Variants in TMEM266 observed in about 807,000 individuals in gnomAD.
TMEM266 encodes transmembrane protein 266, also known as Hv1 related protein 1.
Under a neutral mutation model 50.5 loss-of-function variants are expected in TMEM266, and 33 were observed. The ratio of observed to expected loss-of-function variants is 0.65; its 90% CI spans 0.50 to 0.87. The LOEUF (loss-of-function observed/expected upper bound fraction) is 0.87. TMEM266 is among the 40% of genes least tolerant of loss of function. The pLI is 0.00. For missense variants in TMEM266, 655 were observed against 695.1 expected, an observed-to-expected ratio of 0.94 and a Z score of 0.65; for synonymous variants, 310 against 292.3, an observed-to-expected ratio of 1.06 and a Z score of -0.62.
At chr15:76,199,678 A>C (rs531035445) in intron 9 of TMEM266, among the ~76,000 whole-genome samples, 23 of 152,300 alleles carry the variant, frequency 1.5e-4, no homozygotes, top group South Asian at 1.0e-3. Context: ...TCTATTCAAT[A>C]ATCACGGCCT....
At chr15:76,167,251 A>T (rs2038111458) in intron 5 of TMEM266, among the ~76,000 whole-genome samples, 2 of 152,034 alleles carry the variant, frequency 1.3e-5, no homozygotes, top group South Asian at 4.1e-4. Context: ...CTGGCGGATC[A>T]TGAGGTCGGT....
chr15:76,174,769 T>C (rs1029026708), intron 7 of TMEM266: 3 of 152,264 alleles, frequency 2.0e-5, no homozygotes, highest in African/African-American at 7.2e-5. Flanking sequence ...AATGGAATCA[T>C]GTGACGTGGT....
intron 1 of TMEM266, among the ~76,000 whole-genome samples, chr15:76,106,320 C>T (rs973687120): frequency 2.6e-5 from 4 of 152,200 alleles, no homozygotes; most frequent in African/African-American, 9.6e-5. Context: ...AACTGCCCCC[C>T]AAACCATCTG....
chr15:76,119,656 A>T (rs988530022), intron 1 of TMEM266, among the ~76,000 whole-genome samples: 1 of 152,000 alleles, frequency 6.6e-6, no homozygotes, highest in East Asian at 1.9e-4. Flanking sequence ...AGTCCCAACT[A>T]CTCAGGAGGC....
chr15:76,152,265 A>G (rs1378378886), intron 3 of TMEM266, among the ~76,000 whole-genome samples: 1 of 152,168 alleles, frequency 6.6e-6, no homozygotes, highest in Non-Finnish European at 1.5e-5. Context: ...ACCCCCAACA[A>G]GGAGACCTGC....
At chr15:76,120,692 C>T (rs1009838370) in intron 1 of TMEM266, among the ~76,000 whole-genome samples, 5 of 140,212 alleles carry the variant, frequency 3.6e-5, no homozygotes, top group African/African-American at 1.1e-4. Context: ...ACCTGAGAGG[C>T]GAAGGCTGCA....
intron 1 of TMEM266, among the ~76,000 whole-genome samples, chr15:76,086,407 T>C (rs2036777341): frequency 6.6e-6 from 1 of 152,092 alleles, no homozygotes; most frequent in Non-Finnish European, 1.5e-5. Context: ...CTTTCTGGGG[T>C]GATGGAAATG....
intron 1 of TMEM266, among the ~76,000 whole-genome samples, chr15:76,084,070 G>A (rs1454036461): frequency 1.3e-5 from 2 of 152,070 alleles, no homozygotes; most frequent in African/African-American, 4.8e-5. Flanking sequence ...CCAAAGTGTT[G>A]GGTTGTCTGA....
At chr15:76,196,118 T>A (rs190263524) in intron 9 of TMEM266, among the ~76,000 whole-genome samples, 1 of 152,274 alleles carries the variant, frequency 6.6e-6, no homozygotes, top group East Asian at 1.9e-4. Context: ...CTAACCCTCC[T>A]GGAAACTAAG....
At chr15:76,076,624 TACTC>T (rs749277924) in intron 1 of TMEM266, among the ~76,000 whole-genome samples, 1 of 152,016 alleles carries the variant, frequency 6.6e-6, no homozygotes, top group Admixed American at 6.5e-5. Flanking sequence ...GCAGAAATGA[TACTC>T]ACAGGCAGAG....
At chr15:76,170,004 G>T in intron 6 of TMEM266, 132 bp downstream of exon 6, 1 of 874,814 alleles carries the variant, frequency 1.1e-6, no homozygotes. Context: ...CTCTGTGGCT[G>T]TGCATGTTGG....
Position 76,069,690 on chromosome 15 carries a change from C to T in TMEM266, c.-97+9674C>T, listed in dbSNP as rs373252138. 1.6e-4 allele frequency among the ~76,000 whole-genome samples: 25 copies of T among 152,062 alleles called. No homozygotes were observed. The East Asian group carries it at 1.7e-3, about 11-fold the overall frequency. The stretch of plus-strand genomic sequence containing the variant: ...AAAATTAGCGGGACATGGTGGTGCA[C>T]GCCTGTAGTCACAGCTACTCGGGAG... On this transcript the variant is annotated intron_variant, in intron 1 of 10. Transcript: ENST00000388942.
At chr15:76,179,814 C>T (rs189741169) in intron 8 of TMEM266, among the ~76,000 whole-genome samples, 11 of 152,256 alleles carry the variant, frequency 7.2e-5, no homozygotes, top group African/African-American at 2.2e-4. Flanking sequence ...CCTGGCCTGG[C>T]GCGATGGCTC....
intron 1 of TMEM266, among the ~76,000 whole-genome samples, chr15:76,104,341 C>G (rs1466318922): frequency 6.6e-6 from 1 of 152,182 alleles, no homozygotes; most frequent in Non-Finnish European, 1.5e-5. Context: ...AATTCAGTCC[C>G]ACAGTTGCAC....
chr15:76,061,877 T>C (rs1279349343), intron 1 of TMEM266, among the ~76,000 whole-genome samples: 1 of 152,202 alleles, frequency 6.6e-6, no homozygotes, highest in East Asian at 1.9e-4. Context: ...AGAGCAACAT[T>C]GTCTATCACA....
At chr15:76,189,322 AAAAG>A (rs1003187447) in intron 8 of TMEM266, among the ~76,000 whole-genome samples, 7 of 145,400 alleles carry the variant, frequency 4.8e-5, no homozygotes, top group African/African-American at 1.7e-4. Flanking sequence ...TTGTCTCAAA[AAAAG>A]AAAGAGGGAG....
chr15:76,157,762 G>A (rs1474759055), intron 4 of TMEM266, among the ~76,000 whole-genome samples: 1 of 152,232 alleles, frequency 6.6e-6, no homozygotes, highest in Non-Finnish European at 1.5e-5. Context: ...CAAGGTGGGA[G>A]GATCGCTTGA....
intron 8 of TMEM266, among the ~76,000 whole-genome samples, chr15:76,183,257 A>G (rs2038447323): frequency 6.6e-6 from 1 of 151,482 alleles, no homozygotes; most frequent in Non-Finnish European, 1.5e-5. Context: ...CTGGGATTAC[A>G]GGCATGTGTC....
At chr15:76,110,385 C>A (rs1356122019) in intron 1 of TMEM266, among the ~76,000 whole-genome samples, 1 of 152,230 alleles carries the variant, frequency 6.6e-6, no homozygotes, top group Non-Finnish European at 1.5e-5. Flanking sequence ...TTGAATGCGG[C>A]ACAACACAAA....
Sources: gnomAD v4.1 joint callset for allele counts (sites outside exome capture counted in the v4.1 genomes callset) on GRCh38, gnomAD v4.1.1 for gene constraint, MANE v1.5 for transcripts, NCBI Gene and HGNC (gene_info 2026-07-23, HGNC 2026-07-21) for gene names.